ASB4: variants seen among roughly 807,000 people sequenced by gnomAD.
The protein encoded by ASB4 is ankyrin repeat and SOCS box protein 4.
Under a neutral mutation model 38.6 loss-of-function variants are expected in ASB4, and 35 were observed. The ratio of observed to expected loss-of-function variants is 0.91; its 90% confidence interval spans 0.69 to 1.20. The LOEUF is 1.20. Ranked by LOEUF, ASB4 falls within the 50% of genes most tolerant of loss-of-function variation. The pLI is 0.00. For missense variants in ASB4, 557 were observed against 527.2 expected, an observed-to-expected ratio of 1.06 and a Z score of -0.55; for synonymous variants, 195 against 201.3, an observed-to-expected ratio of 0.97 and a Z score of 0.26.
the ASB4 span, among the ~76,000 whole-genome samples, chr7:95,547,922 T>C: frequency 6.6e-6 from 1 of 152,230 alleles, no homozygotes; most frequent in Non-Finnish European, 1.5e-5. Flanking sequence ...GTCCCTATAA[T>C]CATCTGAGCC....
intron 2 of ASB4, among the ~76,000 whole-genome samples, chr7:95,522,004 G>A (rs1790669762): frequency 6.6e-6 from 1 of 151,886 alleles, no homozygotes; most frequent in Non-Finnish European, 1.5e-5. Flanking sequence ...GTCAAATATG[G>A]GTATGGTGTA....
chr7:95,507,203 A>G (rs1237204197), intron 2 of ASB4, among the ~76,000 whole-genome samples: 1 of 151,888 alleles, frequency 6.6e-6, no homozygotes, highest in African/African-American at 2.4e-5. Flanking sequence ...AATCTCTGAC[A>G]TAGTCTCTTA....
chr7:95,493,861 T>A (rs984216028), intron 1 of ASB4, among the ~76,000 whole-genome samples: 3 of 152,282 alleles, frequency 2.0e-5, no homozygotes, highest in African/African-American at 7.2e-5. Context: ...AACTGCCCCT[T>A]TTTTTAATGG....
intron 3 of ASB4, among the ~76,000 whole-genome samples, chr7:95,534,186 A>C (rs1033839921): frequency 1.3e-5 from 2 of 152,122 alleles, no homozygotes; most frequent in African/African-American, 4.8e-5. Flanking sequence ...CTCTGCTAAA[A>C]ATGCAAAAAT....
intron 2 of ASB4, among the ~76,000 whole-genome samples, chr7:95,524,117 C>A (rs770739646): frequency 1.1e-4 from 16 of 152,200 alleles, no homozygotes; most frequent in Non-Finnish European, 2.2e-4. Flanking sequence ...AGTGACCCAG[C>A]AATTCCACTC....
intron 3 of ASB4, among the ~76,000 whole-genome samples, chr7:95,530,819 C>T (rs1790810448): frequency 1.3e-5 from 2 of 151,886 alleles, no homozygotes; most frequent in African/African-American, 2.4e-5. Context: ...GACTGCCTTT[C>T]AGAGAATAAC....
intron 3 of ASB4, among the ~76,000 whole-genome samples, chr7:95,534,426 A>T (rs1366358879): frequency 6.6e-6 from 1 of 151,620 alleles, no homozygotes; most frequent in East Asian, 1.9e-4. Flanking sequence ...AATCAGTGGC[A>T]ACTCTTGTTT....
chr7:95,538,775 A>C lies in ASB4; in HGVS notation c.*1016A>C, dbSNP rs1790931015. ...ATGGCTCCAGTGCATGTGACAAGGA[A>C]GCATAGGAAAATGGGGGAAAGAAAG... On this transcript the variant is annotated 3_prime_UTR_variant, in exon 5 of 5. Coordinates refer to ENST00000325885, the MANE Select transcript of ASB4 (RefSeq NM_016116.3). 2 of 152,196 alleles carry C rather than the reference A, an allele frequency of 1.3e-5. 1 individual carries two copies. The highest frequency in any genetic ancestry group is 4.1e-4 in the South Asian group (2 of 4,836). The allele number at this position is 152,196 out of a possible 1,614,324, so 9.4% of individuals were successfully genotyped here.
chr7:95,540,277 C>T (rs993763485), downstream of ASB4: 1 of 152,160 alleles, frequency 6.6e-6, no homozygotes, highest in African/African-American at 2.4e-5. Context: ...CCTAACCCCG[C>T]TTTGACTTTT....
chr7:95,486,240 G>A, intron 1 of ASB4, 82 bp downstream of exon 1: 1 of 1,062,474 alleles, frequency 9.4e-7, no homozygotes. Context: ...ACTCTAAACA[G>A]TAGTTTTTAT....
chr7:95,530,442 GTGACAGAGCGAGACTC>G (rs1790805253), intron 3 of ASB4, among the ~76,000 whole-genome samples: 2 of 152,200 alleles, frequency 1.3e-5, no homozygotes, highest in Non-Finnish European at 2.9e-5. Flanking sequence ...TTCACCCTGG[GTGACAGAGCGAGACTC>G]TGTCTCCAAA....
At chr7:95,537,518 G>A in intron 4 of ASB4, 53 bp from the exon 5 acceptor site, 1 of 1,466,090 alleles carries the variant, frequency 6.8e-7, no homozygotes, top group East Asian at 2.3e-5. Context: ...GATTTTTATT[G>A]ATGTAAACTG....
chr7:95,540,604 G>A (rs1030941167), downstream of ASB4, among the ~76,000 whole-genome samples: 6 of 152,108 alleles, frequency 3.9e-5, no homozygotes, highest in Non-Finnish European at 4.4e-5. Context: ...TCCTCATGAC[G>A]CCTTTGTTAC....
chr7:95,511,669 A>T (rs1161926004), intron 2 of ASB4, among the ~76,000 whole-genome samples: 1 of 152,034 alleles, frequency 6.6e-6, no homozygotes, highest in African/African-American at 2.4e-5. Flanking sequence ...TCTCAAAAAA[A>T]AAAAATAAAT....
intron 2 of ASB4, among the ~76,000 whole-genome samples, chr7:95,509,645 A>G (rs1790454621): frequency 6.6e-6 from 1 of 152,234 alleles, no homozygotes; most frequent in Non-Finnish European, 1.5e-5. Flanking sequence ...CTAGCTTAAT[A>G]AAGTTAACAG....
intron 3 of ASB4, among the ~76,000 whole-genome samples, chr7:95,530,913 T>C (rs1306326119): frequency 6.6e-6 from 1 of 152,142 alleles, no homozygotes; most frequent in Non-Finnish European, 1.5e-5. Flanking sequence ...GTGAAGGTGG[T>C]GAGAATCATG....
intron 2 of ASB4, among the ~76,000 whole-genome samples, chr7:95,501,155 G>A (rs369457395): frequency 2.6e-5 from 4 of 151,882 alleles, no homozygotes; most frequent in Non-Finnish European, 5.9e-5. Context: ...CTCACTTTTC[G>A]TAATAATGAA....
chr7:95,497,922 C>A (rs12533957), intron 2 of ASB4, among the ~76,000 whole-genome samples: 11 of 151,920 alleles, frequency 7.2e-5, no homozygotes, highest in Admixed American at 6.6e-4. Context: ...ATTGATCTAC[C>A]CCCCAGTAGA....
intron 3 of ASB4, among the ~76,000 whole-genome samples, chr7:95,529,758 G>A (rs1307970145): frequency 6.6e-6 from 1 of 152,168 alleles, no homozygotes; most frequent in Non-Finnish European, 1.5e-5. Context: ...GTCCTGTGTT[G>A]AGCTCTAAAT....
Sources: allele counts gnomAD v4.1 joint callset (sites outside exome capture counted in the v4.1 genomes callset), GRCh38; gene constraint gnomAD v4.1.1; transcripts MANE v1.5; gene names NCBI Gene and HGNC (gene_info 2026-07-23, HGNC 2026-07-21).